SYNJ2BP: variants seen among roughly 807,000 people sequenced by gnomAD.
SYNJ2BP encodes synaptojanin-2-binding protein.
Under a neutral mutation model 16.9 loss-of-function variants are expected in SYNJ2BP, and 10 were observed. The observed-to-expected ratio is 0.59, with a 90% CI of 0.36 to 1.00. The LOEUF (loss-of-function observed/expected upper bound fraction) is 1.00. Ranked by LOEUF, SYNJ2BP falls within the 50% of genes least tolerant of loss-of-function variation. The pLI is 0.01. For missense variants in SYNJ2BP, 162 were observed against 186.7 expected (o/e 0.87, Z 0.77); for synonymous variants, 54 against 68.4 (o/e 0.79, Z 1.04).
Position 70,385,919 on chromosome 14 carries a change from T to C in SYNJ2BP, c.201+2551A>G, listed in dbSNP as rs565007966. The stretch of plus-strand genomic sequence containing the variant: ...GGGCACAATAATCATGCCCACCTCA[T>C]AGGATTACTATAATATTAAACAAAA... On this transcript the variant is annotated intron_variant, in intron 2 of 3. Coordinates refer to ENST00000256366, the MANE Select transcript of SYNJ2BP (RefSeq NM_018373.3). Among the ~76,000 whole-genome samples the C allele has an allele frequency of 7.2e-5, 11 of 152,334 alleles. 1 individual carries two copies. The East Asian group carries it at 1.2e-3, about 16-fold the overall frequency.
At chr14:70,413,011 TGTAGAAAAA>T in intron 1 of SYNJ2BP, among the ~76,000 whole-genome samples, 1 of 152,286 alleles carries the variant, frequency 6.6e-6, no homozygotes, top group Non-Finnish European at 1.5e-5. Flanking sequence ...GCTGGACTCC[TGTAGAAAAA>T]AACAAGATTC....
In SYNJ2BP at chr14:70,372,827, A is replaced by G. The variant is rs1887544602; in HGVS notation, c.*164T>C. ...CTTCAAACAATACCTTTACTTTCCC[A>G]TTAGAATATGAAGAATTGGAGACTG... On this transcript the variant is annotated 3_prime_UTR_variant, in exon 4 of 4. Transcript: ENST00000256366. The G allele has an allele frequency of 1.2e-5, 12 of 1,041,260 alleles. No individual in the cohort carries two copies. Among genetic ancestry groups the G allele is most frequent in the Non-Finnish European group, 2.7e-6 (2 of 727,620 alleles). The allele number at this position is 1,041,260 out of a possible 1,614,324, so 64.5% of individuals were successfully genotyped here.
intron 3 of SYNJ2BP, among the ~76,000 whole-genome samples, chr14:70,374,722 G>A (rs1371594548): frequency 6.6e-6 from 1 of 152,130 alleles, no homozygotes; most frequent in African/African-American, 2.4e-5. Flanking sequence ...GTTGATAAAT[G>A]AAGGGTTCAT....
At chr14:70,377,644 CT>C (rs1887661038) in intron 2 of SYNJ2BP, among the ~76,000 whole-genome samples, 1 of 152,174 alleles carries the variant, frequency 6.6e-6, no homozygotes, top group Admixed American at 6.6e-5. Flanking sequence ...CCCCTAGTCT[CT>C]GAATTAGATC....
intron 1 of SYNJ2BP, among the ~76,000 whole-genome samples, chr14:70,405,126 G>GTCAA (rs1050812610): frequency 1.5e-4 from 23 of 152,074 alleles, no homozygotes; most frequent in African/African-American, 5.3e-4. Flanking sequence ...GACCCTGTCA[G>GTCAA]TCAATCAATC....
chr14:70,402,981 A>T (rs1215625220), intron 1 of SYNJ2BP, among the ~76,000 whole-genome samples: 1 of 152,208 alleles, frequency 6.6e-6, no homozygotes, highest in African/African-American at 2.4e-5. Flanking sequence ...TGACATAACA[A>T]ACCTTACCTA....
intron 1 of SYNJ2BP, among the ~76,000 whole-genome samples, chr14:70,407,542 A>G (rs1888374296): frequency 6.6e-6 from 1 of 152,300 alleles, no homozygotes; most frequent in African/African-American, 2.4e-5. Flanking sequence ...AGCAAAAAAA[A>G]AATTTGTTAT....
chr14:70,398,344 A>G (rs1367562895), intron 1 of SYNJ2BP, among the ~76,000 whole-genome samples: 1 of 152,076 alleles, frequency 6.6e-6, no homozygotes, highest in Non-Finnish European at 1.5e-5. Context: ...CCTTCCACCC[A>G]GGAGACTGTC....
chr14:70,396,319 A>G (rs1888093494), intron 1 of SYNJ2BP, among the ~76,000 whole-genome samples: 3 of 152,178 alleles, frequency 2.0e-5, no homozygotes, highest in South Asian at 4.1e-4. Flanking sequence ...GGGTTTCACC[A>G]TGTTAGCCAG....
chr14:70,405,839 A>C (rs1888333741), intron 1 of SYNJ2BP, among the ~76,000 whole-genome samples: 1 of 152,216 alleles, frequency 6.6e-6, no homozygotes, highest in Non-Finnish European at 1.5e-5. Flanking sequence ...AAAGAGAAAA[A>C]GATGTGTTGG....
intron 1 of SYNJ2BP, among the ~76,000 whole-genome samples, chr14:70,391,162 G>A (rs1429761969): frequency 6.6e-6 from 1 of 152,002 alleles, no homozygotes; most frequent in African/African-American, 2.4e-5. Flanking sequence ...CATACCTTGT[G>A]CATAAAATCT....
chr14:70,372,868 GGGGT>G lies in SYNJ2BP; in HGVS notation c.*119_*122del, dbSNP rs370826694. On this transcript the variant is annotated 3_prime_UTR_variant, in exon 4 of 4. Transcript: ENST00000256366. ...TTGGAGACTGTGAACAGCAAGGTTT[GGGGT>G]GGGTATCAGTCACTTCAAATCTGGC... The G allele has an allele frequency of 4.5e-4, 635 of 1,397,018 alleles. 5 individuals are homozygous for G. In the African/African-American group the frequency reaches 8.0e-3, roughly 18 times the overall value. The allele number at this position is 1,397,018 out of a possible 1,614,324, so 86.5% of individuals were successfully genotyped here.
At chr14:70,405,989 A>G (rs905209935) in intron 1 of SYNJ2BP, among the ~76,000 whole-genome samples, 2 of 152,198 alleles carry the variant, frequency 1.3e-5, no homozygotes, top group Admixed American at 1.3e-4. Context: ...GATCCTGTTT[A>G]GATTAAGTGT....
intron 1 of SYNJ2BP, among the ~76,000 whole-genome samples, chr14:70,389,846 T>C (rs964825191): frequency 6.6e-6 from 1 of 152,226 alleles, no homozygotes; most frequent in African/African-American, 2.4e-5. Context: ...CCAGTTCCTC[T>C]TCCCTAAGTC....
Position 70,375,741 on chromosome 14 carries a change from G to A in SYNJ2BP, c.232C>T (p.His78Tyr). Residue 78 changes from histidine to tyrosine, a missense_variant, in exon 3 of 4, where the codon CAC becomes TAC. Physicochemically the swap from His to Tyr is moderately conservative, Grantham distance 83. Coordinates refer to ENST00000256366, the MANE Select transcript of SYNJ2BP (RefSeq NM_018373.3). Reference sequence around the variant, plus strand: ...CGAAAGAGGTCTACAGCATCCTGGTGCAGCAGGTTCTTTAGGTCTTGGCCA... The same window carrying A: ...CGAAAGAGGTCTACAGCATCCTGGTACAGCAGGTTCTTTAGGTCTTGGCCA... Reference protein sequence around the residue: ...VNGQDLKNLLHQDAVDLFRNA... With the variant: ...VNGQDLKNLLYQDAVDLFRNA... 6.2e-7 allele frequency: 1 copy of A among 1,614,124 alleles called. No individual in the cohort carries two copies. The highest frequency in any genetic ancestry group is 1.1e-5 in the South Asian group (1 of 91,084).
intron 2 of SYNJ2BP, among the ~76,000 whole-genome samples, chr14:70,386,247 G>A (rs1004395649): frequency 1.3e-5 from 2 of 152,212 alleles, no homozygotes; most frequent in Non-Finnish European, 1.5e-5. Flanking sequence ...CATATTGGAT[G>A]AATGTCTTTC....
chr14:70,372,865 TTTG>T lies in SYNJ2BP; in HGVS notation c.*123_*125del. 1 of 1,378,874 alleles carries T rather than the reference TTTG, an allele frequency of 7.3e-7. No homozygotes were observed. The highest frequency in any genetic ancestry group is 9.9e-7 in the Non-Finnish European group (1 of 1,014,214). The allele number at this position is 1,378,874 out of a possible 1,614,324, so 85.4% of individuals were successfully genotyped here. The stretch of plus-strand genomic sequence containing the variant: ...GAATTGGAGACTGTGAACAGCAAGG[TTTG>T]GGGTGGGTATCAGTCACTTCAAATC... On this transcript the variant is annotated 3_prime_UTR_variant, in exon 4 of 4. Coordinates refer to ENST00000256366, the MANE Select transcript of SYNJ2BP (RefSeq NM_018373.3).
At position 70,372,633 on chromosome 14, in the gene SYNJ2BP, A is replaced by G. The variant is rs1887540614; in HGVS notation, c.*358T>C. On this transcript the variant is annotated 3_prime_UTR_variant, in exon 4 of 4. Transcript: ENST00000256366. ...AAGAAAAATCCTTTCTTCCTCTAAT[A>G]TCACATAGCTGGCCTTTATGGCATG... 5.8e-6 allele frequency: 1 copy of G among 172,850 alleles called. No individual in the cohort carries two copies. Among genetic ancestry groups the G allele is most frequent in the Admixed American group, 6.2e-5 (1 of 16,020 alleles). 10.7% of individuals were successfully genotyped at this position (172,850 alleles called of 1,614,324 possible).
At chr14:70,402,109 G>C (rs1485964480) in intron 1 of SYNJ2BP, among the ~76,000 whole-genome samples, 1 of 152,100 alleles carries the variant, frequency 6.6e-6, no homozygotes, top group Non-Finnish European at 1.5e-5. Context: ...TCTTCTTGTG[G>C]AGTCTGAAAA....
Sources: gnomAD v4.1 joint callset for allele counts (sites outside exome capture counted in the v4.1 genomes callset) on GRCh38, gnomAD v4.1.1 for gene constraint, MANE v1.5 for transcripts, NCBI Gene and HGNC (gene_info 2026-07-23, HGNC 2026-07-21) for gene names.